Variants in RBFOX1 observed in about 807,000 individuals in gnomAD.
RBFOX1 encodes RNA binding protein fox-1 homolog 1.
RBFOX1 carries 8 observed loss-of-function variants against 57.7 expected under a neutral mutation model. That is an observed-to-expected ratio of 0.14 (90% CI 0.08 to 0.25). The LOEUF (loss-of-function observed/expected upper bound fraction) is 0.25. Ranked by LOEUF, RBFOX1 falls within the 10% of genes least tolerant of loss-of-function variation. RBFOX1 has a pLI of 1.00. For synonymous variants in RBFOX1, 326 were observed against 222.4 expected (o/e 1.47, Z -4.15); for missense variants, 611 against 548.5 (o/e 1.11, Z -1.14).
At chr16:6,356,020 A>G (rs940168437) in intron 2 of RBFOX1, among the ~76,000 whole-genome samples, 11 of 152,236 alleles carry the variant, frequency 7.2e-5, no homozygotes, top group African/African-American at 2.4e-4. Flanking sequence ...GCATTAGATT[A>G]TGACCCAAAG....
At chr16:5,607,123 G>C (rs72763282) in intron 3 of RBFOX1, among the ~76,000 whole-genome samples, 8,084 of 152,218 alleles carry the variant, frequency 0.053, 295 homozygotes, top group African/African-American at 0.1. Flanking sequence ...GGAGCAGAGG[G>C]GTCACCAGCT....
chr16:7,211,490 G>T (rs1218422228), intron 4 of RBFOX1, among the ~76,000 whole-genome samples: 1 of 151,822 alleles, frequency 6.6e-6, no homozygotes, highest in Non-Finnish European at 1.5e-5. Context: ...CTAGGCTCTA[G>T]GACTCTATCA....
chr16:7,282,142 T>G (rs1428040236), intron 4 of RBFOX1, among the ~76,000 whole-genome samples: 3 of 152,070 alleles, frequency 2.0e-5, no homozygotes, highest in Admixed American at 2.0e-4. Flanking sequence ...GGATTACAGG[T>G]GTGAGCCACT....
chr16:6,088,175 C>G (rs1349235851), intron 1 of RBFOX1, among the ~76,000 whole-genome samples: 1 of 152,056 alleles, frequency 6.6e-6, no homozygotes, highest in African/African-American at 2.4e-5. Context: ...GAAAACTTAC[C>G]CTCTTAGTTA....
chr16:7,518,576 T>C (rs972924734), intron 5 of RBFOX1, among the ~76,000 whole-genome samples, 187 bp downstream of exon 5: 4 of 152,244 alleles, frequency 2.6e-5, no homozygotes, highest in Non-Finnish European at 4.4e-5. Context: ...TAGCGTTCAT[T>C]TAAATCAACG....
At chr16:6,797,344 A>T (rs915713789) in intron 3 of RBFOX1, among the ~76,000 whole-genome samples, 1 of 152,142 alleles carries the variant, frequency 6.6e-6, no homozygotes, top group Non-Finnish European at 1.5e-5. Context: ...CAAAGGTGAA[A>T]ATCATTATGA....
intron 4 of RBFOX1, among the ~76,000 whole-genome samples, chr16:7,153,162 T>A (rs1385919496): frequency 6.6e-6 from 1 of 151,360 alleles, no homozygotes; most frequent in Non-Finnish European, 1.5e-5. Flanking sequence ...CCTCCTGTTA[T>A]GAATCCGTCT....
At chr16:7,050,093 T>C (rs2049476572) in intron 3 of RBFOX1, among the ~76,000 whole-genome samples, 1 of 152,022 alleles carries the variant, frequency 6.6e-6, no homozygotes, top group African/African-American at 2.4e-5. Flanking sequence ...TTTAACAGTT[T>C]ATGGAGACAT....
At position 6,825,293 on chromosome 16, in the gene RBFOX1, G is replaced by T. The variant is rs1055321931; in HGVS notation, c.-16+170643G>T. ...CTTCCCTACTCTAGATGCCAAAAAT[G>T]TCTGTAGATATTGCCCATGTTCCCC... On this transcript the variant is annotated intron_variant, in intron 3 of 15. Transcript: ENST00000550418. Among the ~76,000 whole-genome samples the T allele has an allele frequency of 2.6e-5, 4 of 151,048 alleles. No individual in the cohort carries two copies. In the Admixed American group the frequency reaches 2.7e-4, roughly 10 times the overall value.
rs1188800573 is a variant in RBFOX1 at position 6,214,984 on chromosome 16, G to C, written c.-126-102011G>C. 1.1e-4 allele frequency among the ~76,000 whole-genome samples: 15 copies of C among 136,344 alleles called. No individual in the cohort carries two copies. In the East Asian group the frequency reaches 3.8e-3, roughly 34 times the overall value. The allele number at this position is 136,344 out of a possible 152,430, so 89.4% of individuals were successfully genotyped here. A position where few individuals can be genotyped will look rare whatever the true frequency, so the allele number is the denominator to read the frequency against. The stretch of plus-strand genomic sequence containing the variant: ...AGAGGGAGAAGGAGGGAGAAGGAGA[G>C]AGGAAGAGGGACAGGGAAAGAGGGA... On this transcript the variant is annotated intron_variant, in intron 1 of 15. Coordinates refer to ENST00000550418, the MANE Select transcript of RBFOX1 (RefSeq NM_018723.4).
At chr16:6,853,137 A>T (rs1383826805) in intron 3 of RBFOX1, among the ~76,000 whole-genome samples, 2 of 152,174 alleles carry the variant, frequency 1.3e-5, no homozygotes, top group African/African-American at 4.8e-5. Flanking sequence ...GAACTTGGGA[A>T]AGCTGCTTAA....
intron 2 of RBFOX1, among the ~76,000 whole-genome samples, chr16:6,517,863 A>C (rs989401152): frequency 3.3e-5 from 5 of 152,206 alleles, no homozygotes; most frequent in Non-Finnish European, 7.3e-5. Flanking sequence ...TTGTATGAGA[A>C]ATAAATGTCT....
In RBFOX1 at chr16:6,155,814, A is replaced by G. The variant is rs550317271; in HGVS notation, c.-127+135822A>G. ...TTTTTTTTGGAACTCACTTATTTTT[A>G]TAGTTTAAAAGAACACACTTTATTT... On this transcript the variant is annotated intron_variant, in intron 1 of 15. Transcript: ENST00000550418. 5.3e-5 allele frequency among the ~76,000 whole-genome samples: 8 copies of G among 152,100 alleles called. No individual in the cohort carries two copies. In the East Asian group the frequency reaches 1.2e-3, roughly 22 times the overall value.
At chr16:5,483,004 G>C (rs1330819282) in intron 2 of RBFOX1, among the ~76,000 whole-genome samples, 1 of 152,196 alleles carries the variant, frequency 6.6e-6, no homozygotes, top group Non-Finnish European at 1.5e-5. Flanking sequence ...TTATAGGACA[G>C]ATACAAACTG....
chr16:6,244,010 G>C (rs972397991), intron 1 of RBFOX1, among the ~76,000 whole-genome samples: 3 of 152,094 alleles, frequency 2.0e-5, no homozygotes, highest in African/African-American at 7.2e-5. Flanking sequence ...GGATTTTCTT[G>C]CACATTATCT....
intron 2 of RBFOX1, among the ~76,000 whole-genome samples, chr16:5,510,577 A>C (rs986442821): frequency 6.6e-6 from 1 of 152,144 alleles, no homozygotes; most frequent in African/African-American, 2.4e-5. Context: ...GAATGATGCC[A>C]GGGTGAAGTT....
rs1000265570 is a variant in RBFOX1, at chr16:7,145,004, C to A, written c.27+92906C>A. Reference sequence around the variant, plus strand: ...AAGAATTCTGAAACAGGTCAGCTGACGTTGTTTTTTAAAAAGGTTTTGTTC... The same window carrying A: ...AAGAATTCTGAAACAGGTCAGCTGAAGTTGTTTTTTAAAAAGGTTTTGTTC... On this transcript the variant is annotated intron_variant, in intron 4 of 15. Transcript: ENST00000550418. Among the ~76,000 whole-genome samples the A allele has an allele frequency of 2.0e-5, 3 of 152,012 alleles. No homozygotes were observed. In the East Asian group the frequency reaches 5.8e-4, roughly 30 times the overall value.
chr16:5,719,288 G>T (rs1596948064), intron 3 of RBFOX1, among the ~76,000 whole-genome samples: 1 of 143,502 alleles, frequency 7.0e-6, no homozygotes, highest in African/African-American at 2.6e-5. Flanking sequence ...TGCAAGCTCC[G>T]CCCCCCTGGT....
chr16:5,775,252 C>T (rs77720517), intron 3 of RBFOX1, among the ~76,000 whole-genome samples: 4,791 of 152,192 alleles, frequency 0.031, 256 homozygotes, highest in African/African-American at 0.11. Context: ...CATAGCTGTT[C>T]CTAAGCTTCC....
Sources: allele counts gnomAD v4.1 joint callset (sites outside exome capture counted in the v4.1 genomes callset), GRCh38; gene constraint gnomAD v4.1.1; transcripts MANE v1.5; gene names NCBI Gene and HGNC (gene_info 2026-07-23, HGNC 2026-07-21).